Variants in GTF2IRD1 observed in about 807,000 individuals in gnomAD.
GTF2IRD1 encodes GTF2I repeat domain containing 1, also known as general transcription factor II-I repeat domain-containing protein 1.
A neutral mutation model predicts 113.2 loss-of-function variants in GTF2IRD1; 26 were observed. The observed-to-expected ratio is 0.23, with a 90% CI of 0.17 to 0.32. GTF2IRD1 has a LOEUF of 0.32. Ranked by LOEUF, GTF2IRD1 falls within the 10% of genes least tolerant of loss-of-function variation. The probability of loss-of-function intolerance (pLI) is 1.00; values close to 1 mark genes in which losing one functional copy is unlikely to be tolerated. For missense variants in GTF2IRD1, 864 were observed against 1,280.8 expected (o/e 0.67, Z 4.97); for synonymous variants, 484 against 529.1 (o/e 0.91, Z 1.17).
intron 17 of GTF2IRD1, among the ~76,000 whole-genome samples, chr7:74,550,252 A>T (rs1384964701): frequency 6.8e-6 from 1 of 145,992 alleles, no homozygotes; most frequent in Admixed American, 6.9e-5. Context: ...CTCATGATAG[A>T]CATATAGCCC....
chr7:74,597,565 T>G (rs1489445767), intron 25 of GTF2IRD1, among the ~76,000 whole-genome samples: 5 of 151,978 alleles, frequency 3.3e-5, no homozygotes, highest in African/African-American at 4.8e-5. Flanking sequence ...CGGGCTGGTC[T>G]CAAACACCTG....
chr7:74,488,871 G>C (rs558528807), intron 1 of GTF2IRD1, among the ~76,000 whole-genome samples: 2 of 151,952 alleles, frequency 1.3e-5, no homozygotes, highest in Non-Finnish European at 2.9e-5. Flanking sequence ...GCCTGGGCGC[G>C]GTGGTTCATT....
intron 9 of GTF2IRD1, among the ~76,000 whole-genome samples, chr7:74,534,330 C>T (rs1444832832): frequency 6.6e-6 from 1 of 151,986 alleles, no homozygotes; most frequent in Admixed American, 6.5e-5. Context: ...GGCTGGGTGC[C>T]GTGGGTCACG....
At chr7:74,589,791 C>T (rs1554368851) in intron 22 of GTF2IRD1, 60 bp from the exon 23 acceptor site, 6 of 998,736 alleles carry the variant, frequency 6.0e-6, no homozygotes, top group Non-Finnish European at 9.6e-6. Context: ...GTGGGAGAAG[C>T]AGCAGGTCCA....
At position 74,498,459 on chromosome 7, in the gene GTF2IRD1, T is replaced by A. The variant is rs549184611; in HGVS notation, c.-6-9616T>A. Reference sequence around the variant, plus strand: ...TTACTCATAGAGCAAAGGTTGTATATCTCTAAACCAAGCTTCTTCCCTTGC... The same window carrying A: ...TTACTCATAGAGCAAAGGTTGTATAACTCTAAACCAAGCTTCTTCCCTTGC... On this transcript the variant is annotated intron_variant, in intron 1 of 26. Coordinates refer to ENST00000424337, the MANE Select transcript of GTF2IRD1 (RefSeq NM_005685.4). Among the ~76,000 whole-genome samples, 5 of 152,276 alleles carry A rather than the reference T, an allele frequency of 3.3e-5. No homozygotes were observed. The South Asian group carries it at 1.0e-3, about 32-fold the overall frequency.
chr7:74,504,760 T>G (rs1485205203), intron 1 of GTF2IRD1, among the ~76,000 whole-genome samples: 1 of 149,590 alleles, frequency 6.7e-6, no homozygotes, highest in African/African-American at 2.5e-5. Flanking sequence ...CAGGCTGGAA[T>G]GCAGTGGCGC....
chr7:74,552,280 G>A (rs1442271402), intron 17 of GTF2IRD1, among the ~76,000 whole-genome samples: 8 of 152,122 alleles, frequency 5.3e-5, no homozygotes, highest in African/African-American at 1.9e-4. Flanking sequence ...CACTTTGTGG[G>A]GGTTGAGGAG....
intron 14 of GTF2IRD1, among the ~76,000 whole-genome samples, chr7:74,540,410 T>G (rs1798564805): frequency 6.6e-6 from 1 of 152,016 alleles, no homozygotes; most frequent in South Asian, 2.1e-4. Flanking sequence ...CCTCCCAAAG[T>G]GCTGGGATTA....
chr7:74,477,512 G>C (rs571149461), intron 1 of GTF2IRD1, among the ~76,000 whole-genome samples: 17 of 151,896 alleles, frequency 1.1e-4, no homozygotes, highest in African/African-American at 3.6e-4. Flanking sequence ...GGAGGGAGGG[G>C]GCATGGGGAT....
chr7:74,472,843 C>A (rs1794188770), intron 1 of GTF2IRD1, among the ~76,000 whole-genome samples: 3 of 152,220 alleles, frequency 2.0e-5, no homozygotes, highest in Non-Finnish European at 4.4e-5. Flanking sequence ...GCCTCTGGAG[C>A]CTCCCTTGTC....
intron 1 of GTF2IRD1, among the ~76,000 whole-genome samples, chr7:74,461,745 A>G (rs1052067480): frequency 1.4e-4 from 21 of 151,958 alleles, no homozygotes; most frequent in African/African-American, 5.1e-4. Context: ...CGCCCAGCCA[A>G]TTTTTGTATT....
At chr7:74,564,404 C>T (rs1800166350) in intron 22 of GTF2IRD1, among the ~76,000 whole-genome samples, 1 of 152,166 alleles carries the variant, frequency 6.6e-6, no homozygotes, top group Middle Eastern at 3.2e-3. Flanking sequence ...TGAGCCTCCC[C>T]AGTGTAGGGT....
intron 8 of GTF2IRD1, among the ~76,000 whole-genome samples, chr7:74,525,893 C>G (rs1194289412): frequency 6.6e-6 from 1 of 152,198 alleles, no homozygotes; most frequent in African/African-American, 2.4e-5. Flanking sequence ...CTTGTGACCA[C>G]GTCTGGGGCA....
At chr7:74,600,054 G>C (rs1802655591) in intron 25 of GTF2IRD1, among the ~76,000 whole-genome samples, 2 of 152,168 alleles carry the variant, frequency 1.3e-5, no homozygotes, top group Admixed American at 1.3e-4. Flanking sequence ...GTTGCTGGGA[G>C]GATCCCAGCA....
rs782740540 is a variant in GTF2IRD1, at chr7:74,555,186, C to T, written c.1929C>T (p.Leu643=). ...IQFVIKRPEL[L]TEGVKEPIMD... ...TTGTGTTTTCCAGGCCCGAGCTGCT[C>T]ACTGAGGGAGTCAAAGAGCCCATCA... is the stretch of plus-strand genomic sequence containing the variant. Residue 643 remains leucine (L), a synonymous_variant, in exon 18 of 27, where the codon CTC becomes CTT. Transcript: ENST00000424337. The surrounding 1 kb of genome is among the most constrained non-coding windows in gnomAD (Gnocchi z 5.3). The T allele has an allele frequency of 1.9e-6, 3 of 1,613,816 alleles. No individual in the cohort carries two copies. The Admixed American group carries it at 5.0e-5, about 27-fold the overall frequency.
intron 7 of GTF2IRD1, 104 bp downstream of exon 7, chr7:74,521,401 G>A (rs1554345964): frequency 1.6e-5 from 12 of 749,418 alleles, no homozygotes; most frequent in East Asian, 5.1e-5. Flanking sequence ...GTGAAAGAAA[G>A]GAGGAACAGC....
chr7:74,498,689 G>A (rs996168107), intron 1 of GTF2IRD1, among the ~76,000 whole-genome samples: 8 of 150,124 alleles, frequency 5.3e-5, no homozygotes, highest in Non-Finnish European at 1.0e-4. Flanking sequence ...GTGCCTGCGC[G>A]AGCTTCTCTG....
intron 1 of GTF2IRD1, among the ~76,000 whole-genome samples, chr7:74,502,549 C>A (rs1226873483): frequency 1.3e-5 from 2 of 152,254 alleles, no homozygotes; most frequent in African/African-American, 4.8e-5. Context: ...GGCCCCAGGG[C>A]TGGCTAGAAA....
At chr7:74,571,780 G>A (rs916020475) in intron 22 of GTF2IRD1, among the ~76,000 whole-genome samples, 2 of 152,096 alleles carry the variant, frequency 1.3e-5, no homozygotes, top group African/African-American at 4.8e-5. Context: ...AGGATCCCTT[G>A]ACCCTGGGAG....
Sources: allele counts gnomAD v4.1 joint callset (sites outside exome capture counted in the v4.1 genomes callset), GRCh38; gene constraint gnomAD v4.1.1; non-coding constraint Gnocchi (gnomAD v3.1); transcripts MANE v1.5; gene names NCBI Gene and HGNC (gene_info 2026-07-23, HGNC 2026-07-21).